The following MED12L variants were observed in gnomAD, a reference collection of about 807,000 sequenced individuals.
MED12L encodes the protein mediator complex subunit 12L.
MED12L carries 60 observed loss-of-function variants against 281.3 expected under a neutral mutation model. The observed-to-expected ratio is 0.21, with a 90% confidence interval of 0.17 to 0.26. The LOEUF (loss-of-function observed/expected upper bound fraction) is 0.26. MED12L is among the 10% of genes least tolerant of loss of function. MED12L has a pLI of 1.00. For missense variants in MED12L, 2,146 were observed against 2,680.9 expected (o/e 0.80, Z 4.41); for synonymous variants, 974 against 987.2 (o/e 0.99, Z 0.25).
At chr3:151,406,438 T>C (rs1577576972) in intron 39 of MED12L, among the ~76,000 whole-genome samples, 1 of 152,344 alleles carries the variant, frequency 6.6e-6, no homozygotes, top group South Asian at 2.1e-4. Flanking sequence ...GTTTTCTTTT[T>C]AGGAGCACAT....
At chr3:151,154,252 C>T (rs1054434106) in intron 5 of MED12L, among the ~76,000 whole-genome samples, 7 of 152,120 alleles carry the variant, frequency 4.6e-5, no homozygotes, top group Non-Finnish European at 8.8e-5. Context: ...GTTAAATACA[C>T]TTAAAGCACA....
At chr3:151,344,446 A>T (rs1165078245) in intron 16 of MED12L, among the ~76,000 whole-genome samples, 1 of 152,202 alleles carries the variant, frequency 6.6e-6, no homozygotes, top group Non-Finnish European at 1.5e-5. Flanking sequence ...ATAGCATGGT[A>T]TATTGAAAGA....
intron 16 of MED12L, chr3:151,328,364 A>G (rs1421738088): frequency 1.9e-6 from 3 of 1,612,358 alleles, no homozygotes; most frequent in Non-Finnish European, 2.5e-6. Flanking sequence ...TTTTTTTGCA[A>G]TAACCACATA....
intron 16 of MED12L, chr3:151,213,035 A>G (rs1482484296): frequency 4.8e-6 from 1 of 209,858 alleles, no homozygotes; most frequent in East Asian, 1.0e-4. Flanking sequence ...AACTTATTTT[A>G]ATATAATAGA....
intron 16 of MED12L, among the ~76,000 whole-genome samples, chr3:151,332,496 G>A (rs73157974): frequency 0.12 from 18,283 of 151,860 alleles, 1,399 homozygotes; most frequent in Non-Finnish European, 0.18. Flanking sequence ...GTAACAATCT[G>A]TTTTTCTGAG....
At chr3:151,405,479 A>G (rs1262272246) in intron 39 of MED12L, among the ~76,000 whole-genome samples, 1 of 152,134 alleles carries the variant, frequency 6.6e-6, no homozygotes, top group Admixed American at 6.5e-5. Context: ...ACCAAAAACC[A>G]TCTTCCTGCA....
intron 16 of MED12L, among the ~76,000 whole-genome samples, chr3:151,204,845 C>G (rs578145263): frequency 1.3e-5 from 2 of 152,216 alleles, no homozygotes; most frequent in Admixed American, 1.3e-4. Context: ...TTTACTTCCT[C>G]GGTTCACTTT....
intron 9 of MED12L, 33 bp downstream of exon 9, chr3:151,164,075 T>C: frequency 6.2e-7 from 1 of 1,605,280 alleles, no homozygotes; most frequent in Non-Finnish European, 8.5e-7. Flanking sequence ...TTGATGGCTG[T>C]TTTCATTCTT....
chr3:151,364,648 A>G (rs959345171), intron 21 of MED12L, among the ~76,000 whole-genome samples: 2 of 152,220 alleles, frequency 1.3e-5, no homozygotes, highest in African/African-American at 4.8e-5. Flanking sequence ...AACTGTTAAG[A>G]CACAGTTGTT....
intron 16 of MED12L, among the ~76,000 whole-genome samples, chr3:151,246,203 A>T (rs1336152687): frequency 6.6e-6 from 1 of 152,198 alleles, no homozygotes; most frequent in African/African-American, 2.4e-5. Flanking sequence ...GCTCAAGGTA[A>T]TTTATAGATT....
chr3:151,198,356 T>TTTTTTTTA, intron 16 of MED12L: 1 of 1,131,178 alleles, frequency 8.8e-7, no homozygotes, highest in Admixed American at 2.6e-5. Flanking sequence ...TTTTTTTTTT[T>TTTTTTTTA]ATCTTTCAAA....
In MED12L at chr3:151,328,044, C is replaced by A. The variant is rs145063671; in HGVS notation, c.2251-22015C>A. ...CTGCTATGATTTTCTTGGCTTGATG[C>A]TGTGGTCTTTCTCCCTTGCATACAT... On this transcript the variant is annotated intron_variant, in intron 16 of 44. Transcript: ENST00000687756. The A allele has an allele frequency of 2.7e-4, 430 of 1,602,712 alleles. 2 individuals carry two copies. Among genetic ancestry groups the A allele is most frequent in the South Asian group, 1.4e-3 (124 of 89,026 alleles).
intron 39 of MED12L, among the ~76,000 whole-genome samples, chr3:151,401,356 G>C (rs978904120): frequency 6.6e-6 from 1 of 151,736 alleles, no homozygotes; most frequent in Admixed American, 6.6e-5. Flanking sequence ...AAGTTTTAGG[G>C]TGTGTACCTG....
chr3:151,126,996 T>C (rs1427379220), intron 4 of MED12L, among the ~76,000 whole-genome samples: 2 of 152,330 alleles, frequency 1.3e-5, no homozygotes, highest in East Asian at 3.9e-4. Flanking sequence ...GCTCTCATCC[T>C]GCTGCATCGT....
chr3:151,389,438 G>A lies in MED12L; in HGVS notation c.5452-541G>A, dbSNP rs545996196. Among the ~76,000 whole-genome samples, 3 of 152,314 alleles carry A rather than the reference G, an allele frequency of 2.0e-5. No individual in the cohort carries two copies. In the South Asian group the frequency reaches 6.2e-4, roughly 32 times the overall value. On this transcript the variant is annotated intron_variant, in intron 37 of 44. Transcript: ENST00000687756. ...GGTAGGGAAATTGAGACCTTCAGGTGTGATCCTTACAGGCTTTGCAGCTAC... is the reference window on the plus strand; with the variant it reads ...GGTAGGGAAATTGAGACCTTCAGGTATGATCCTTACAGGCTTTGCAGCTAC...
chr3:151,099,625 A>G (rs1721153221), intron 2 of MED12L, among the ~76,000 whole-genome samples: 1 of 152,232 alleles, frequency 6.6e-6, no homozygotes, highest in Non-Finnish European at 1.5e-5. Context: ...GGCCTTTCAC[A>G]GACAAATAGT....
chr3:151,156,134 T>C, intron 5 of MED12L, 27 bp from the exon 6 acceptor site: 1 of 1,564,446 alleles, frequency 6.4e-7, no homozygotes, highest in Non-Finnish European at 8.7e-7. Context: ...GTCTAGAAAC[T>C]CATATTTTTC....
chr3:151,203,242 G>GT (rs1725892348), intron 16 of MED12L: 1 of 152,076 alleles, frequency 6.6e-6, no homozygotes, highest in African/African-American at 2.4e-5. Context: ...TTTTTGTGTG[G>GT]TTTTAAAATG....
chr3:151,190,565 C>T, intron 13 of MED12L, 152 bp from the exon 14 acceptor site: 1 of 696,626 alleles, frequency 1.4e-6, no homozygotes, highest in South Asian at 1.9e-5. Context: ...CAGTTCTGCC[C>T]AAAATGCTAG....
Sources: gnomAD v4.1 joint callset for allele counts (sites outside exome capture counted in the v4.1 genomes callset) on GRCh38, gnomAD v4.1.1 for gene constraint, MANE v1.5 for transcripts, NCBI Gene and HGNC (gene_info 2026-07-23, HGNC 2026-07-21) for gene names.